Variants in ABI3BP observed in about 807,000 individuals in gnomAD.
The protein encoded by ABI3BP is target of Nesh-SH3.
ABI3BP carries 216 observed loss-of-function variants against 268.6 expected under a neutral mutation model. The ratio of observed to expected loss-of-function variants is 0.80; its 90% confidence interval spans 0.72 to 0.90. ABI3BP has a LOEUF of 0.90. ABI3BP is among the 40% of genes least tolerant of loss of function. ABI3BP has a pLI of 0.00. For missense variants in ABI3BP, 2,090 were observed against 2,182.4 expected (o/e 0.96, Z 0.84); for synonymous variants, 730 against 730.0 (o/e 1.00, Z 0.00).
rs765167966 is a variant in ABI3BP, at chr3:100,848,819, G to C, written c.1558C>G (p.Pro520Ala). 5 of 1,613,246 alleles carry C rather than the reference G, an allele frequency of 3.1e-6. No homozygotes were observed. In the South Asian group the frequency reaches 4.4e-5, roughly 14 times the overall value. The stretch of plus-strand genomic sequence containing the variant: ...CATTTACCAGGTTTGGTTCTTGGCG[G>C]TTTGGGCCGGGGGCGTCGTTTAGGT... ...STPKRRPRPK[P>A]PRTKPERTTS... is the part of the protein sequence containing the mutation. The change falls in exon 18 of 68, where the codon CCG becomes GCG. Residue 520 changes from proline (P) to alanine (A), a missense_variant. Physicochemically the swap from Pro to Ala is conservative, Grantham distance 27. Coordinates refer to ENST00000471714, the MANE Select transcript of ABI3BP (RefSeq NM_001375547.2).
At chr3:100,976,932 C>T (rs1012087520) in intron 1 of ABI3BP, among the ~76,000 whole-genome samples, 1 of 152,248 alleles carries the variant, frequency 6.6e-6, no homozygotes, top group Non-Finnish European at 1.5e-5. Context: ...ACAAGGCCAA[C>T]TATGAAGGCC....
At chr3:100,830,356 CAA>C (rs2098470697) in intron 32 of ABI3BP, among the ~76,000 whole-genome samples, 1 of 151,452 alleles carries the variant, frequency 6.6e-6, no homozygotes, top group South Asian at 2.1e-4. Flanking sequence ...GTGGGTAATT[CAA>C]AGTCATTACA....
chr3:100,875,507 C>G lies in ABI3BP; in HGVS notation c.817+1G>C. On this transcript the variant is annotated splice_donor_variant, in intron 8 of 67. Coordinates refer to ENST00000471714, the MANE Select transcript of ABI3BP (RefSeq NM_001375547.2). LOFTEE classifies it high-confidence loss of function. ...CGGCATAGATTTCGAGATCCACTCA[C>G]CTAGTATCACTCCTCCCAGTGGAGC... 6.2e-7 allele frequency: 1 copy of G among 1,606,166 alleles called. No homozygotes were observed. Among genetic ancestry groups the G allele is most frequent in the African/African-American group, 1.3e-5 (1 of 74,858 alleles).
At position 100,837,173 on chromosome 3, in the gene ABI3BP, T is replaced by C; in HGVS notation, c.2084-2A>G. The C allele has an allele frequency of 6.5e-7, 1 of 1,533,088 alleles. No individual in the cohort carries two copies. Among genetic ancestry groups the C allele is most frequent in the Non-Finnish European group, 8.7e-7 (1 of 1,145,504 alleles). The allele number at this position is 1,533,088 out of a possible 1,614,324, so 95.0% of individuals were successfully genotyped here. A position where few individuals can be genotyped will look rare whatever the true frequency, so the allele number is the denominator to read the frequency against. On this transcript the variant is annotated splice_acceptor_variant, in intron 26 of 67. Coordinates refer to ENST00000471714, the MANE Select transcript of ABI3BP (RefSeq NM_001375547.2). LOFTEE classifies it high-confidence loss of function. ...TTTCAAATGGAACAGGCTCAGAGAC[T>C]GCATCATAAAAAATAAACAGATATA...
At chr3:100,917,135 T>G (rs1373893544) in intron 2 of ABI3BP, among the ~76,000 whole-genome samples, 1 of 152,190 alleles carries the variant, frequency 6.6e-6, no homozygotes. Context: ...GGTAGTCAGC[T>G]ATTACAGCTG....
chr3:100,934,076 G>C (rs1358048380), intron 1 of ABI3BP, among the ~76,000 whole-genome samples: 1 of 151,880 alleles, frequency 6.6e-6, no homozygotes, highest in African/African-American at 2.4e-5. Context: ...GTGGTTTGCT[G>C]CACCTATCAA....
At chr3:100,886,718 T>C (rs1306501195) in intron 4 of ABI3BP, among the ~76,000 whole-genome samples, 1 of 151,938 alleles carries the variant, frequency 6.6e-6, no homozygotes, top group African/African-American at 2.4e-5. Flanking sequence ...TTCATAGTTG[T>C]ATGAGTTTAA....
chr3:100,963,432 C>T (rs973005034), intron 1 of ABI3BP, among the ~76,000 whole-genome samples: 1 of 152,082 alleles, frequency 6.6e-6, no homozygotes. Flanking sequence ...TCCTTTTTTA[C>T]TTATCACCAC....
At chr3:100,768,762 G>A (rs2096429980) in intron 62 of ABI3BP, among the ~76,000 whole-genome samples, 1 of 152,194 alleles carries the variant, frequency 6.6e-6, no homozygotes, top group African/African-American at 2.4e-5. Flanking sequence ...TACACAAGTT[G>A]AGTATCTAAA....
intron 4 of ABI3BP, among the ~76,000 whole-genome samples, chr3:100,890,554 C>A (rs1273993310): frequency 6.6e-6 from 1 of 152,114 alleles, no homozygotes; most frequent in Admixed American, 6.6e-5. Context: ...ATCTTTCATT[C>A]TACCCCAACA....
chr3:100,791,008 TAAATATA>T (rs1052357062), intron 55 of ABI3BP, among the ~76,000 whole-genome samples: 1 of 151,876 alleles, frequency 6.6e-6, no homozygotes, highest in Non-Finnish European at 1.5e-5. Flanking sequence ...TAAAAGAGCT[TAAATATA>T]ATTTAAGTTT....
chr3:100,837,379 A>G (rs2098610856), intron 26 of ABI3BP: 1 of 457,238 alleles, frequency 2.2e-6, no homozygotes, highest in Admixed American at 4.1e-5. Flanking sequence ...AGAAAATTTC[A>G]ACTGCAAAAC....
chr3:100,820,129 T>G (rs2098175994), intron 40 of ABI3BP, 91 bp downstream of exon 40: 1 of 1,146,094 alleles, frequency 8.7e-7, no homozygotes, highest in Admixed American at 2.1e-5. Context: ...CACATGGTAC[T>G]CACACAGGCC....
chr3:100,870,810 G>T (rs1475558668), intron 9 of ABI3BP, among the ~76,000 whole-genome samples: 2 of 152,164 alleles, frequency 1.3e-5, no homozygotes, highest in Non-Finnish European at 2.9e-5. Flanking sequence ...GTTCATTGAT[G>T]AATGTATAAA....
intron 1 of ABI3BP, among the ~76,000 whole-genome samples, chr3:100,992,740 G>C (rs533746707): frequency 9.2e-5 from 14 of 152,280 alleles, no homozygotes; most frequent in Admixed American, 1.3e-4. Context: ...GCCAAGAAAG[G>C]GGGGAGTGTC....
intron 2 of ABI3BP, among the ~76,000 whole-genome samples, chr3:100,906,361 G>GT (rs1320744738): frequency 6.6e-6 from 1 of 152,210 alleles, no homozygotes; most frequent in African/African-American, 2.4e-5. Context: ...CTGGGTGCAT[G>GT]TGTTGGCTCT....
chr3:100,947,066 A>G (rs377630792), intron 1 of ABI3BP, among the ~76,000 whole-genome samples: 1 of 152,144 alleles, frequency 6.6e-6, no homozygotes, highest in South Asian at 2.1e-4. Context: ...CTAGGGAATT[A>G]TTACTATTTT....
chr3:100,982,408 G>T (rs1302355926), intron 1 of ABI3BP, among the ~76,000 whole-genome samples: 1 of 152,044 alleles, frequency 6.6e-6, no homozygotes, highest in Admixed American at 6.5e-5. Context: ...GTTAATGAAA[G>T]CTAAAGAGGA....
chr3:100,773,262 T>A (rs2096603860), intron 61 of ABI3BP, among the ~76,000 whole-genome samples: 1 of 152,018 alleles, frequency 6.6e-6, no homozygotes, highest in Non-Finnish European at 1.5e-5. Flanking sequence ...AAATATAGAT[T>A]CTCAAAATTC....
Sources: allele counts gnomAD v4.1 joint callset (sites outside exome capture counted in the v4.1 genomes callset), GRCh38; gene constraint gnomAD v4.1.1; transcripts MANE v1.5; gene names NCBI Gene and HGNC (gene_info 2026-07-23, HGNC 2026-07-21).